PCDH9: variants seen among roughly 807,000 people sequenced by gnomAD.
PCDH9 encodes the protein protocadherin 9.
In PCDH9, 24 loss-of-function variants were observed where a neutral mutation model predicts 70.6. The ratio of observed to expected loss-of-function variants is 0.34; its 90% CI spans 0.25 to 0.48. PCDH9 has a LOEUF of 0.48. Ranked by LOEUF, PCDH9 falls within the 20% of genes least tolerant of loss-of-function variation. The probability of loss-of-function intolerance (pLI) is 0.99; values close to 1 mark genes in which losing one functional copy is unlikely to be tolerated. For missense variants in PCDH9, 1,281 were observed against 1,503.6 expected, an observed-to-expected ratio of 0.85 and a Z score of 2.45; for synonymous variants, 562 against 558.5, an observed-to-expected ratio of 1.01 and a Z score of -0.09.
chr13:66,732,202 T>C (rs1027104808), intron 3 of PCDH9, among the ~76,000 whole-genome samples: 6 of 151,996 alleles, frequency 3.9e-5, no homozygotes, highest in African/African-American at 1.4e-4. Flanking sequence ...CTGTGTAAGA[T>C]GTGTCAGGAT....
intron 3 of PCDH9, among the ~76,000 whole-genome samples, chr13:66,846,888 C>CACACACACACACACACACACACACAA (rs2081220532): frequency 7.1e-6 from 1 of 141,650 alleles, no homozygotes; most frequent in Non-Finnish European, 1.5e-5. Context: ...TCATAATACA[C>CACACACACACACACACACACACACAA]ACACACACAC....
chr13:66,793,485 G>A (rs1446086118), intron 3 of PCDH9, among the ~76,000 whole-genome samples: 1 of 151,956 alleles, frequency 6.6e-6, no homozygotes, highest in Admixed American at 6.6e-5. Context: ...TGGCTTTAGT[G>A]GTACCACTCA....
chr13:66,536,274 ATCT>A (rs1158942944), intron 4 of PCDH9, among the ~76,000 whole-genome samples: 6 of 152,062 alleles, frequency 3.9e-5, no homozygotes, highest in East Asian at 1.9e-4. Context: ...TCAAACATAG[ATCT>A]TCTGATTCCT....
chr13:66,498,412 C>T (rs1318110830), intron 4 of PCDH9, among the ~76,000 whole-genome samples: 1 of 151,850 alleles, frequency 6.6e-6, no homozygotes, highest in African/African-American at 2.4e-5. Flanking sequence ...CAAGGTTTTC[C>T]CAGTCTAATG....
At chr13:66,574,959 G>A (rs574857969) in intron 4 of PCDH9, among the ~76,000 whole-genome samples, 1 of 152,226 alleles carries the variant, frequency 6.6e-6, no homozygotes, top group South Asian at 2.1e-4. Context: ...GATCACTTGA[G>A]GTCAGGAGTT....
At chr13:66,471,342 A>G (rs1958615411) in intron 4 of PCDH9, among the ~76,000 whole-genome samples, 1 of 152,186 alleles carries the variant, frequency 6.6e-6, no homozygotes, top group South Asian at 2.1e-4. Context: ...AAGTTTTGCT[A>G]AAAACAGTCA....
At chr13:66,468,436 C>T (rs986149939) in intron 4 of PCDH9, among the ~76,000 whole-genome samples, 2 of 152,102 alleles carry the variant, frequency 1.3e-5, no homozygotes, top group African/African-American at 4.8e-5. Flanking sequence ...AGATAACTGT[C>T]ATTTCCCTGA....
At chr13:67,213,863 C>T (rs903399288) in intron 2 of PCDH9, 52 of 152,272 alleles carry the variant, frequency 3.4e-4, no homozygotes, top group African/African-American at 1.2e-3. Context: ...CAAGAAGTTA[C>T]ATATTTAATT....
At position 66,796,737 on chromosome 13, in the gene PCDH9, A is replaced by C. The variant is rs533103965; in HGVS notation, c.3138+106767T>G. 3.9e-5 allele frequency among the ~76,000 whole-genome samples: 6 copies of C among 152,324 alleles called. No individual in the cohort carries two copies. The South Asian group carries it at 1.2e-3, about 32-fold the overall frequency. On this transcript the variant is annotated intron_variant, in intron 3 of 4. Transcript: ENST00000377865. ...AATAAAATAGTTCTTGCCTTCAAGAAGCACAAAGCCTAGGAGATATAGACA... is the reference window on the plus strand; with the variant it reads ...AATAAAATAGTTCTTGCCTTCAAGACGCACAAAGCCTAGGAGATATAGACA...
At chr13:66,502,195 T>C (rs1959180383) in intron 4 of PCDH9, among the ~76,000 whole-genome samples, 2 of 152,140 alleles carry the variant, frequency 1.3e-5, no homozygotes, top group Admixed American at 6.5e-5. Flanking sequence ...GTAAAGTATT[T>C]TTTTCTGTCA....
rs566181045 is a variant in PCDH9 at position 66,419,271 on chromosome 13, C to T, written c.3341-114243G>A. Among the ~76,000 whole-genome samples the T allele has an allele frequency of 2.6e-5, 4 of 152,176 alleles. No homozygotes were observed. The East Asian group carries it at 7.7e-4, about 29-fold the overall frequency. On this transcript the variant is annotated intron_variant, in intron 4 of 4. Transcript: ENST00000377865. ...AAACAGAAAATTTCAGGCCAATATC[C>T]CTGATGAACATCAATGTGAAATCCT...
In PCDH9 at chr13:67,227,514, A is replaced by G. The variant is rs2089908230; in HGVS notation, c.927T>C (p.Thr309=). The G allele has an allele frequency of 6.2e-7, 1 of 1,613,836 alleles. No homozygotes were observed. The highest frequency in any genetic ancestry group is 2.2e-5 in the East Asian group (1 of 44,884). The part of the protein sequence containing the change: ...TKRLFALNNT[T]GLITVQRSLD... Reference sequence around the variant, plus strand: ...AGGACCTCTGAACTGTAATCAGCCCAGTAGTATTATTTAAAGCAAAGAGTC... The same window carrying G: ...AGGACCTCTGAACTGTAATCAGCCCGGTAGTATTATTTAAAGCAAAGAGTC... Residue 309 remains threonine (T), a synonymous_variant, in exon 2 of 5, where the codon ACT becomes ACC. Coordinates refer to ENST00000377865, the MANE Select transcript of PCDH9 (RefSeq NM_203487.3). This position sits in a 1 kb window ranked among gnomAD's most constrained non-coding sequence, Gnocchi z 4.6.
intron 4 of PCDH9, 81 bp downstream of exon 4, chr13:66,631,129 C>A: frequency 1.4e-6 from 1 of 737,422 alleles, no homozygotes; most frequent in Non-Finnish European, 2.5e-6. Flanking sequence ...CATCCTTGCC[C>A]CCTACAATTA....
intron 4 of PCDH9, among the ~76,000 whole-genome samples, chr13:66,554,454 G>A (rs1961635644): frequency 6.6e-6 from 1 of 152,036 alleles, no homozygotes; most frequent in Non-Finnish European, 1.5e-5. Context: ...ACATTTTGTT[G>A]AATAAGGGCA....
At chr13:66,346,911 C>T (rs968542381) in intron 4 of PCDH9, among the ~76,000 whole-genome samples, 4 of 152,178 alleles carry the variant, frequency 2.6e-5, no homozygotes, top group South Asian at 4.1e-4. Context: ...GAGTCAGCAA[C>T]ACTCCTTTAA....
At chr13:67,146,862 A>C (rs1018796185) in intron 2 of PCDH9, among the ~76,000 whole-genome samples, 2 of 152,188 alleles carry the variant, frequency 1.3e-5, no homozygotes, top group African/African-American at 4.8e-5. Context: ...ATTTTCGTAA[A>C]GTAAATATTG....
intron 2 of PCDH9, among the ~76,000 whole-genome samples, chr13:67,158,475 C>A (rs1337248257): frequency 2.0e-5 from 3 of 152,156 alleles, no homozygotes; most frequent in Non-Finnish European, 2.9e-5. Flanking sequence ...GACAGTGGAA[C>A]CTTTGAGAAG....
chr13:66,471,970 G>C lies in PCDH9; in HGVS notation c.3340+159240C>G, dbSNP rs1236140077. ...TCGCGCCTGTAAACCTAGCACTTTG[G>C]GAGGCCGAGGCGGGCGGATCGCTTA... is the stretch of plus-strand genomic sequence containing the variant. On this transcript the variant is annotated intron_variant, in intron 4 of 4. Transcript: ENST00000377865. Among the ~76,000 whole-genome samples the C allele has an allele frequency of 2.0e-5, 3 of 152,186 alleles. No homozygotes were observed. The East Asian group carries it at 5.8e-4, about 30-fold the overall frequency.
intron 3 of PCDH9, among the ~76,000 whole-genome samples, chr13:66,887,117 A>G (rs2082019115): frequency 6.6e-6 from 1 of 150,828 alleles, no homozygotes; most frequent in African/African-American, 2.4e-5. Flanking sequence ...ATTCCAGAAA[A>G]TCTTCTAGCA....
Sources: gnomAD v4.1 joint callset for allele counts (sites outside exome capture counted in the v4.1 genomes callset) on GRCh38, gnomAD v4.1.1 for gene constraint, Gnocchi (gnomAD v3.1) non-coding constraint, MANE v1.5 for transcripts, NCBI Gene and HGNC (gene_info 2026-07-23, HGNC 2026-07-21) for gene names.